RAB31: variants seen among roughly 807,000 people sequenced by gnomAD.
RAB31 encodes ras-related protein Rab-31.
Under a neutral mutation model 25.6 loss-of-function variants are expected in RAB31, and 21 were observed. That is an observed-to-expected ratio of 0.82 (90% CI 0.58 to 1.18). The LOEUF is 1.18. Ranked by LOEUF, RAB31 falls within the 50% of genes most tolerant of loss-of-function variation. The pLI is 0.00. For missense variants in RAB31, 196 were observed against 250.1 expected, an observed-to-expected ratio of 0.78 and a Z score of 1.46; for synonymous variants, 87 against 84.0, an observed-to-expected ratio of 1.04 and a Z score of -0.20.
chr18:9,854,929 G>A (rs1436101716), intron 6 of RAB31, among the ~76,000 whole-genome samples: 1 of 152,208 alleles, frequency 6.6e-6, no homozygotes, highest in Non-Finnish European at 1.5e-5. Context: ...GCAACTGCCA[G>A]CATTGCTAAC....
intron 1 of RAB31, among the ~76,000 whole-genome samples, chr18:9,711,677 G>A (rs2068018067): frequency 6.6e-6 from 1 of 152,214 alleles, no homozygotes; most frequent in Admixed American, 6.5e-5. Flanking sequence ...GTGTGTGGCT[G>A]GCATTCAGCT....
intron 2 of RAB31, among the ~76,000 whole-genome samples, chr18:9,776,714 G>C (rs2068373921): frequency 6.6e-6 from 1 of 152,122 alleles, no homozygotes; most frequent in Admixed American, 6.5e-5. Flanking sequence ...AAAATAGGGT[G>C]ACATTAGAGT....
At chr18:9,736,358 G>A (rs1353204974) in intron 1 of RAB31, among the ~76,000 whole-genome samples, 1 of 152,144 alleles carries the variant, frequency 6.6e-6, no homozygotes, top group Admixed American at 6.5e-5. Flanking sequence ...TTTTGCTGCT[G>A]ATCTTATTCC....
intron 1 of RAB31, among the ~76,000 whole-genome samples, chr18:9,751,456 C>T (rs376664525): frequency 7.2e-5 from 11 of 152,202 alleles, no homozygotes; most frequent in Middle Eastern, 3.2e-3. Flanking sequence ...CCTTGGCCCG[C>T]GGTGCAGATT....
chr18:9,733,401 AGT>A (rs1481529714), intron 1 of RAB31, among the ~76,000 whole-genome samples: 1 of 152,188 alleles, frequency 6.6e-6, no homozygotes, highest in Non-Finnish European at 1.5e-5. Context: ...CCCTGACTGC[AGT>A]GTGGCTCCAG....
At chr18:9,794,682 G>A (rs879568725) in intron 3 of RAB31, among the ~76,000 whole-genome samples, 6 of 152,062 alleles carry the variant, frequency 3.9e-5, no homozygotes, top group Admixed American at 1.3e-4. Context: ...AGGCGTGGTG[G>A]CACATACCTG....
intron 3 of RAB31, among the ~76,000 whole-genome samples, chr18:9,797,948 C>T (rs1045424993): frequency 2.0e-5 from 3 of 152,150 alleles, no homozygotes; most frequent in African/African-American, 7.2e-5. Context: ...CACTTACCAT[C>T]GCAAAGAAAA....
intron 2 of RAB31, among the ~76,000 whole-genome samples, chr18:9,791,562 T>A (rs1253067710): frequency 1.3e-5 from 2 of 151,416 alleles, no homozygotes; most frequent in Non-Finnish European, 2.9e-5. Flanking sequence ...CATGCCCGGC[T>A]AATTTTTGTT....
At chr18:9,741,616 G>C (rs73940008) in intron 1 of RAB31, among the ~76,000 whole-genome samples, 1 of 152,226 alleles carries the variant, frequency 6.6e-6, no homozygotes, top group South Asian at 2.1e-4. Context: ...CTTGTCCTGC[G>C]CCAGTGCCAG....
rs71168101 is a variant in RAB31 at position 9,719,298 on chromosome 18, AATATAT to A, written c.39+10880_39+10885del. On this transcript the variant is annotated intron_variant, in intron 1 of 6. Transcript: ENST00000578921. ...AAAAAAAAAAAAAAAAAAAAAAAAA[AATATAT>A]ATATATATATATATATATATATATA... is the stretch of plus-strand genomic sequence containing the variant. Among the ~76,000 whole-genome samples, 58 of 23,098 alleles carry A rather than the reference AATATAT, an allele frequency of 2.5e-3. 2 individuals carry two copies. Among genetic ancestry groups the A allele is most frequent in the South Asian group, 0.017 (10 of 590 alleles). 15.2% of individuals were successfully genotyped at this position (23,098 alleles called of 152,430 possible). A position where few individuals can be genotyped will look rare whatever the true frequency, so the allele number is the denominator to read the frequency against.
rs565577462 is a variant in RAB31 at position 9,753,313 on chromosome 18, G to GTGGTATTAA, written c.40-21961_40-21953dup. The stretch of plus-strand genomic sequence containing the variant: ...ATGAATGGGTTAATCCATGACAGGA[G>GTGGTATTAA]TGGTATTAATGGGATTAATGGGTTA... On this transcript the variant is annotated intron_variant, in intron 1 of 6. Coordinates refer to ENST00000578921, the MANE Select transcript of RAB31 (RefSeq NM_006868.4). 8.5e-3 allele frequency among the ~76,000 whole-genome samples: 1,294 copies of GTGGTATTAA among 152,300 alleles called. 11 individuals carry two copies. Among genetic ancestry groups the GTGGTATTAA allele is most frequent in the Non-Finnish European group, 0.014 (947 of 68,016 alleles).
At chr18:9,851,203 A>G (rs1296854439) in intron 6 of RAB31, among the ~76,000 whole-genome samples, 1 of 152,250 alleles carries the variant, frequency 6.6e-6, no homozygotes, top group Non-Finnish European at 1.5e-5. Context: ...AAGTTAATTT[A>G]CCAAATGCAA....
chr18:9,718,363 A>C (rs1490919857), intron 1 of RAB31, among the ~76,000 whole-genome samples: 1 of 152,126 alleles, frequency 6.6e-6, no homozygotes, highest in Non-Finnish European at 1.5e-5. Flanking sequence ...GGGTTCAAGC[A>C]GTTCTCTTGC....
At chr18:9,816,629 T>C (rs2068600437) in intron 5 of RAB31, among the ~76,000 whole-genome samples, 1 of 152,216 alleles carries the variant, frequency 6.6e-6, no homozygotes, top group African/African-American at 2.4e-5. Context: ...TCCCCAGTGG[T>C]ATTGGGTTAT....
intron 6 of RAB31, among the ~76,000 whole-genome samples, chr18:9,852,327 A>G (rs2068793209): frequency 6.6e-6 from 1 of 152,210 alleles, no homozygotes; most frequent in East Asian, 1.9e-4. Context: ...ATTAATTACT[A>G]TCATCAAATA....
intron 6 of RAB31, 45 bp downstream of exon 6, chr18:9,845,736 G>C: frequency 6.6e-7 from 1 of 1,506,670 alleles, no homozygotes; most frequent in Non-Finnish European, 8.9e-7. Context: ...GCATTTTTAT[G>C]CTTCTGGGAG....
intron 1 of RAB31, among the ~76,000 whole-genome samples, chr18:9,758,454 C>G (rs966605451): frequency 2.0e-5 from 3 of 152,160 alleles, no homozygotes; most frequent in Admixed American, 6.5e-5. Flanking sequence ...CTCCTCCCCC[C>G]TCTTCCCTTC....
intron 1 of RAB31, among the ~76,000 whole-genome samples, chr18:9,770,228 C>CT (rs2068337315): frequency 6.6e-6 from 1 of 152,106 alleles, no homozygotes; most frequent in Non-Finnish European, 1.5e-5. Flanking sequence ...AGGAGTCCCT[C>CT]TTTTCTATTG....
At chr18:9,778,977 T>A (rs896712162) in intron 2 of RAB31, among the ~76,000 whole-genome samples, 2 of 152,208 alleles carry the variant, frequency 1.3e-5, no homozygotes, top group Non-Finnish European at 2.9e-5. Context: ...ATTCATTAAG[T>A]GGAAATGGAC....
Sources: allele counts gnomAD v4.1 joint callset (sites outside exome capture counted in the v4.1 genomes callset), GRCh38; gene constraint gnomAD v4.1.1; transcripts MANE v1.5; gene names NCBI Gene and HGNC (gene_info 2026-07-23, HGNC 2026-07-21).